STARD13: variants seen among roughly 807,000 people sequenced by gnomAD.
STARD13 encodes stAR-related lipid transfer protein 13.
STARD13 carries 62 observed loss-of-function variants against 106.4 expected under a neutral mutation model. The ratio of observed to expected loss-of-function variants is 0.58; its 90% CI spans 0.48 to 0.72. The LOEUF (loss-of-function observed/expected upper bound fraction) is 0.72, where lower values mean the gene tolerates loss of function less well. Ranked by LOEUF, STARD13 falls within the 30% of genes least tolerant of loss-of-function variation. The pLI is 0.00. For missense variants in STARD13, 1,387 were observed against 1,424.0 expected, an observed-to-expected ratio of 0.97 and a Z score of 0.42; for synonymous variants, 565 against 553.0, an observed-to-expected ratio of 1.02 and a Z score of -0.31.
the STARD13 span, among the ~76,000 whole-genome samples, chr13:33,666,657 C>T: frequency 6.6e-6 from 1 of 152,018 alleles, no homozygotes; most frequent in African/African-American, 2.4e-5. Flanking sequence ...GTGGCGCGAT[C>T]TCGACTCACT....
the STARD13 span, among the ~76,000 whole-genome samples, chr13:33,646,269 G>A: frequency 1.3e-5 from 2 of 152,088 alleles, no homozygotes; most frequent in African/African-American, 4.8e-5. Flanking sequence ...AATCTCCATG[G>A]TATTCATATA....
At chr13:33,531,457 T>G in the STARD13 span, among the ~76,000 whole-genome samples, 1 of 152,202 alleles carries the variant, frequency 6.6e-6, no homozygotes, top group African/African-American at 2.4e-5. Flanking sequence ...GCCTTGTCAA[T>G]TTGGTTTCTG....
chr13:33,491,023 A>G, the STARD13 span, among the ~76,000 whole-genome samples: 2 of 152,224 alleles, frequency 1.3e-5, no homozygotes, highest in East Asian at 3.8e-4. Context: ...ATATCCTGTA[A>G]AGGGAGTCAG....
chr13:33,427,209 T>C, the STARD13 span, among the ~76,000 whole-genome samples: 1 of 152,156 alleles, frequency 6.6e-6, no homozygotes, highest in Non-Finnish European at 1.5e-5. Context: ...CGTACACAGA[T>C]GGGTGCCTTG....
chr13:33,582,597 A>T, the STARD13 span, among the ~76,000 whole-genome samples: 1 of 152,240 alleles, frequency 6.6e-6, no homozygotes, highest in Non-Finnish European at 1.5e-5. Context: ...ATAGCTCTTC[A>T]TCACATCATT....
intron 7 of STARD13, among the ~76,000 whole-genome samples, chr13:33,118,599 T>C (rs1875765903): frequency 6.6e-6 from 1 of 152,216 alleles, no homozygotes; most frequent in African/African-American, 2.4e-5. Flanking sequence ...CCACTGTGTA[T>C]CAGGCATGCT....
At chr13:33,593,826 C>T in the STARD13 span, among the ~76,000 whole-genome samples, 1 of 152,118 alleles carries the variant, frequency 6.6e-6, no homozygotes, top group African/African-American at 2.4e-5. Flanking sequence ...GGATCAGTCC[C>T]CATCTCCCTT....
chr13:33,663,044 C>G, the STARD13 span, among the ~76,000 whole-genome samples: 1 of 152,136 alleles, frequency 6.6e-6, no homozygotes, highest in East Asian at 1.9e-4. Flanking sequence ...ATTGATGCAA[C>G]CTTTCTAGAA....
At chr13:33,218,405 T>TGTCCA (rs1362079432) in intron 1 of STARD13, among the ~76,000 whole-genome samples, 1 of 152,222 alleles carries the variant, frequency 6.6e-6, no homozygotes, top group African/African-American at 2.4e-5. Context: ...TCCGTGCTCC[T>TGTCCA]GTCCAGCCTG....
intron 1 of STARD13, among the ~76,000 whole-genome samples, chr13:33,214,695 CACAT>C (rs1311887592): frequency 5.0e-3 from 427 of 85,274 alleles, no homozygotes; most frequent in Admixed American, 4.9e-3. Context: ...CACACATGCA[CACAT>C]ACACACACAC....
chr13:33,526,028 T>G, the STARD13 span, among the ~76,000 whole-genome samples: 1 of 152,180 alleles, frequency 6.6e-6, no homozygotes, highest in Non-Finnish European at 1.5e-5. Context: ...AATGTGCTGC[T>G]TAAAAATTAT....
chr13:33,233,082 G>A (rs550750162), intron 1 of STARD13, among the ~76,000 whole-genome samples: 11 of 152,332 alleles, frequency 7.2e-5, no homozygotes, highest in South Asian at 2.1e-4. Flanking sequence ...ATGTGATAGC[G>A]ACAGGAGGCA....
At chr13:33,472,457 A>G in the STARD13 span, among the ~76,000 whole-genome samples, 2 of 152,164 alleles carry the variant, frequency 1.3e-5, no homozygotes, top group Non-Finnish European at 2.9e-5. Flanking sequence ...GGGCTGTCTC[A>G]TCATGCATTG....
At chr13:33,424,769 G>T in the STARD13 span, among the ~76,000 whole-genome samples, 3 of 152,136 alleles carry the variant, frequency 2.0e-5, no homozygotes, top group South Asian at 6.2e-4. Flanking sequence ...TAGCGGTAGT[G>T]GTAGGCATGT....
the STARD13 span, among the ~76,000 whole-genome samples, chr13:33,358,440 C>G: frequency 1.3e-5 from 2 of 152,228 alleles, no homozygotes; most frequent in African/African-American, 4.8e-5. Context: ...GCCAGCTGGG[C>G]TCCTGAGTCT....
At chr13:33,392,409 CT>C in the STARD13 span, among the ~76,000 whole-genome samples, 3 of 151,896 alleles carry the variant, frequency 2.0e-5, no homozygotes, top group African/African-American at 7.3e-5. Context: ...TCATCAACTT[CT>C]TTTTTTTGAA....
At chr13:33,251,012 GGAA>G (rs1167567104) in intron 1 of STARD13, among the ~76,000 whole-genome samples, 4 of 152,174 alleles carry the variant, frequency 2.6e-5, no homozygotes, top group Non-Finnish European at 5.9e-5. Context: ...GGAAGGGAAG[GGAA>G]GGGAGACGTT....
the STARD13 span, among the ~76,000 whole-genome samples, chr13:33,647,675 T>C: frequency 1.5e-4 from 23 of 152,216 alleles, no homozygotes; most frequent in African/African-American, 4.6e-4. Context: ...TCCCTGTTCA[T>C]AATGTGGTTA....
chr13:33,510,510 A>G, the STARD13 span, among the ~76,000 whole-genome samples: 5 of 152,184 alleles, frequency 3.3e-5, no homozygotes, highest in African/African-American at 1.2e-4. Context: ...TAGGGCTGCT[A>G]TCATGGAAAC....
Sources: allele counts gnomAD v4.1 joint callset (sites outside exome capture counted in the v4.1 genomes callset), GRCh38; gene constraint gnomAD v4.1.1; transcripts MANE v1.5; gene names NCBI Gene and HGNC (gene_info 2026-07-23, HGNC 2026-07-21).